Variants in ADGRL2 observed in about 807,000 individuals in gnomAD.
ADGRL2 encodes adhesion G protein-coupled receptor L2.
Under a neutral mutation model 157.4 loss-of-function variants are expected in ADGRL2, and 44 were observed. That is an observed-to-expected ratio of 0.28 (90% CI 0.22 to 0.36). The LOEUF is 0.36. ADGRL2 is among the 10% of genes least tolerant of loss of function. The probability of loss-of-function intolerance (pLI) is 1.00; values close to 1 mark genes in which losing one functional copy is unlikely to be tolerated. For synonymous variants in ADGRL2, 585 were observed against 624.7 expected, an observed-to-expected ratio of 0.94 and a Z score of 0.95; for missense variants, 1,510 against 1,768.9, an observed-to-expected ratio of 0.85 and a Z score of 2.63.
intron 1 of ADGRL2, among the ~76,000 whole-genome samples, chr1:81,720,179 CTTTTCTTTTTTTTT>C (rs2084255298): frequency 7.2e-6 from 1 of 138,888 alleles, no homozygotes; most frequent in African/African-American, 2.6e-5. Context: ...TCCTTTTTTT[CTTTTCTTTTTTTTT>C]TTTTTTTGAG....
intron 3 of ADGRL2, among the ~76,000 whole-genome samples, chr1:81,683,710 T>C (rs997073019): frequency 2.6e-5 from 4 of 152,164 alleles, no homozygotes; most frequent in African/African-American, 7.2e-5. Flanking sequence ...TCACAGTTTC[T>C]TTATCCATTC....
At chr1:81,507,264 C>T (rs2078993833) in intron 2 of ADGRL2, among the ~76,000 whole-genome samples, 1 of 151,870 alleles carries the variant, frequency 6.6e-6, no homozygotes, top group African/African-American at 2.4e-5. Context: ...GAGAGTGAGC[C>T]CCTCAGCACT....
chr1:81,531,177 C>T (rs1422606775), intron 2 of ADGRL2, among the ~76,000 whole-genome samples: 1 of 151,682 alleles, frequency 6.6e-6, no homozygotes, highest in Non-Finnish European at 1.5e-5. Flanking sequence ...AAGAAAGAAA[C>T]TTTAAAGAAG....
At chr1:81,488,919 C>T (rs1207372196) in intron 2 of ADGRL2, among the ~76,000 whole-genome samples, 2 of 151,976 alleles carry the variant, frequency 1.3e-5, no homozygotes, top group African/African-American at 4.8e-5. Context: ...GATGTGTGAA[C>T]AAAATGGAAA....
At chr1:81,444,629 G>A (rs1340656542) in intron 1 of ADGRL2, among the ~76,000 whole-genome samples, 2 of 152,102 alleles carry the variant, frequency 1.3e-5, no homozygotes, top group Admixed American at 6.5e-5. Context: ...TCCAATGGTT[G>A]GCCTGCACGT....
intron 3 of ADGRL2, among the ~76,000 whole-genome samples, chr1:81,927,544 G>A (rs2095136359): frequency 6.6e-6 from 1 of 151,770 alleles, no homozygotes; most frequent in Admixed American, 6.6e-5. Flanking sequence ...CAGTATTCAT[G>A]CATATTATGC....
chr1:81,590,322 C>A (rs936144621), intron 3 of ADGRL2, among the ~76,000 whole-genome samples: 10 of 151,998 alleles, frequency 6.6e-5, no homozygotes, highest in Admixed American at 2.6e-4. Flanking sequence ...GAACCAATAC[C>A]CTTGTTGGTG....
At chr1:81,832,736 G>A (rs1207790498) in intron 1 of ADGRL2, among the ~76,000 whole-genome samples, 1 of 152,168 alleles carries the variant, frequency 6.6e-6, no homozygotes, top group Non-Finnish European at 1.5e-5. Flanking sequence ...CCCTATCCAT[G>A]TGAAGAAAAG....
intron 1 of ADGRL2, among the ~76,000 whole-genome samples, chr1:81,412,633 T>G (rs1557669762): frequency 6.6e-6 from 1 of 152,194 alleles, no homozygotes; most frequent in East Asian, 1.9e-4. Context: ...TAATATTACT[T>G]GTTATGTAGC....
intron 1 of ADGRL2, chr1:81,722,654 T>A: frequency 7.3e-7 from 1 of 1,370,180 alleles, no homozygotes; most frequent in East Asian, 2.3e-5. Flanking sequence ...GCTAGTACAA[T>A]GCTGAAAGAA....
At chr1:81,822,368 AAAAT>A (rs1262938633) in intron 1 of ADGRL2, among the ~76,000 whole-genome samples, 6 of 151,704 alleles carry the variant, frequency 4.0e-5, no homozygotes, top group African/African-American at 1.4e-4. Context: ...GTGCAAGAAA[AAAAT>A]CTTTAATTTT....
At chr1:81,685,033 T>G (rs899006721) in intron 3 of ADGRL2, among the ~76,000 whole-genome samples, 2 of 152,262 alleles carry the variant, frequency 1.3e-5, no homozygotes, top group South Asian at 4.1e-4. Context: ...TTTGGGTAAC[T>G]ATGGCCTTAT....
intron 1 of ADGRL2, among the ~76,000 whole-genome samples, chr1:81,429,194 T>C (rs1319058806): frequency 6.6e-6 from 1 of 152,164 alleles, no homozygotes; most frequent in Non-Finnish European, 1.5e-5. Flanking sequence ...GTTTGTGAAC[T>C]TGACTTCCTA....
chr1:81,867,310 A>T (rs2093569379), intron 2 of ADGRL2, among the ~76,000 whole-genome samples: 1 of 152,188 alleles, frequency 6.6e-6, no homozygotes, highest in Non-Finnish European at 1.5e-5. Context: ...ACAAGGTAGC[A>T]TTGTTATTGA....
At chr1:81,817,237 T>C (rs2090499215) in intron 1 of ADGRL2, among the ~76,000 whole-genome samples, 1 of 151,968 alleles carries the variant, frequency 6.6e-6, no homozygotes, top group Non-Finnish European at 1.5e-5. Flanking sequence ...TTTGAAATGA[T>C]GGCATACAAA....
chr1:81,352,228 A>G (rs921247259), intron 1 of ADGRL2, among the ~76,000 whole-genome samples: 2 of 152,250 alleles, frequency 1.3e-5, no homozygotes, highest in Non-Finnish European at 2.9e-5. Flanking sequence ...CAGAATTTGT[A>G]TCATCCCAAA....
chr1:81,794,062 C>T (rs931288621), intron 2 of ADGRL2, among the ~76,000 whole-genome samples: 1 of 151,908 alleles, frequency 6.6e-6, no homozygotes, highest in African/African-American at 2.4e-5. Context: ...ATGTTATATC[C>T]ATTACCTCTT....
chr1:81,883,322 A>G (rs1299080287), intron 2 of ADGRL2, among the ~76,000 whole-genome samples: 1 of 152,216 alleles, frequency 6.6e-6, no homozygotes, highest in Non-Finnish European at 1.5e-5. Flanking sequence ...CACGAAAATC[A>G]GATATTAGCA....
chr1:81,377,054 A>G (rs529373894), intron 1 of ADGRL2, among the ~76,000 whole-genome samples: 1 of 152,268 alleles, frequency 6.6e-6, no homozygotes, highest in African/African-American at 2.4e-5. Flanking sequence ...TTAGCTGGGC[A>G]TGGTGGCACG....
Sources: allele counts gnomAD v4.1 joint callset (sites outside exome capture counted in the v4.1 genomes callset), GRCh38; gene constraint gnomAD v4.1.1; transcripts MANE v1.5; gene names NCBI Gene and HGNC (gene_info 2026-07-23, HGNC 2026-07-21).